The following ATF6 variants were observed in gnomAD, a reference collection of about 807,000 sequenced individuals.
ATF6 encodes the protein cyclic AMP-dependent transcription factor ATF-6 alpha.
Under a neutral mutation model 83.6 loss-of-function variants are expected in ATF6, and 53 were observed. The ratio of observed to expected loss-of-function variants is 0.63; its 90% CI spans 0.51 to 0.80. The LOEUF (loss-of-function observed/expected upper bound fraction) is 0.80. Among genes scored for constraint, ATF6 ranks in the 30% least tolerant of loss-of-function variants. ATF6 has a pLI of 0.00. For missense variants in ATF6, 744 were observed against 797.9 expected (o/e 0.93, Z 0.81); for synonymous variants, 288 against 285.8 (o/e 1.01, Z -0.08).
intron 14 of ATF6, among the ~76,000 whole-genome samples, chr1:161,867,661 T>C (rs556888756): frequency 6.6e-6 from 1 of 152,364 alleles, no homozygotes; most frequent in South Asian, 2.1e-4. Context: ...TTAATATTTT[T>C]CTTTTGCAAA....
intron 4 of ATF6, among the ~76,000 whole-genome samples, chr1:161,787,956 T>C (rs1360697904): frequency 6.6e-6 from 1 of 152,232 alleles, no homozygotes; most frequent in African/African-American, 2.4e-5. Context: ...GTACATCAAA[T>C]CTGTTGCATC....
At chr1:161,929,154 C>A (rs911900447) in intron 15 of ATF6, among the ~76,000 whole-genome samples, 27 of 152,286 alleles carry the variant, frequency 1.8e-4, no homozygotes, top group Admixed American at 1.4e-3. Flanking sequence ...CATTTGTTAG[C>A]TACTTTTTAG....
chr1:161,914,339 T>C (rs1210748310), intron 15 of ATF6, among the ~76,000 whole-genome samples: 1 of 152,160 alleles, frequency 6.6e-6, no homozygotes, highest in African/African-American at 2.4e-5. Flanking sequence ...TTATTTCTCC[T>C]TCAGTCCCCT....
intron 7 of ATF6, among the ~76,000 whole-genome samples, chr1:161,818,027 G>C (rs1284270137): frequency 6.7e-6 from 1 of 149,484 alleles, no homozygotes; most frequent in East Asian, 2.0e-4. Flanking sequence ...TGTGAACCTG[G>C]GAGGCGGAGC....
chr1:161,833,038 G>T (rs1284189232), intron 9 of ATF6, among the ~76,000 whole-genome samples: 1 of 152,188 alleles, frequency 6.6e-6, no homozygotes, highest in African/African-American at 2.4e-5. Context: ...ACACAGCTGG[G>T]TACTCCTCTG....
chr1:161,774,189 G>A (rs1684462179), intron 1 of ATF6, among the ~76,000 whole-genome samples: 1 of 152,004 alleles, frequency 6.6e-6, no homozygotes, highest in Admixed American at 6.6e-5. Flanking sequence ...TCACCTTCTT[G>A]CACCATATGC....
chr1:161,787,589 C>T (rs1202783991), intron 4 of ATF6, among the ~76,000 whole-genome samples: 4 of 152,086 alleles, frequency 2.6e-5, no homozygotes, highest in Admixed American at 6.5e-5. Context: ...TACTTCTCTG[C>T]GTGGATGGTG....
chr1:161,873,658 TTATGGGTAGGCTTTGAAGAGA>T (rs1558005780), intron 14 of ATF6, among the ~76,000 whole-genome samples: 1 of 151,632 alleles, frequency 6.6e-6, no homozygotes, highest in Non-Finnish European at 1.5e-5. Flanking sequence ...AAAGATCTCA[TTATGGGTAGGCTTTGAAGAGA>T]TATCCAGTTC....
At chr1:161,794,654 A>T (rs1294014501) in intron 6 of ATF6, among the ~76,000 whole-genome samples, 10 of 152,150 alleles carry the variant, frequency 6.6e-5, no homozygotes, top group Non-Finnish European at 4.4e-5. Flanking sequence ...ACTCTTTTCT[A>T]TAAATCCCTT....
chr1:161,901,431 A>G (rs990656661), intron 14 of ATF6, among the ~76,000 whole-genome samples: 1 of 140,400 alleles, frequency 7.1e-6, no homozygotes, highest in Non-Finnish European at 1.5e-5. Context: ...GTTTTATTTG[A>G]AAAAAAAAAC....
At chr1:161,851,573 G>T (rs893808632) in intron 10 of ATF6, 149 bp from the exon 11 acceptor site, 7 of 523,944 alleles carry the variant, frequency 1.3e-5, no homozygotes. Context: ...GTAAAATAAG[G>T]TTTTGTATTT....
chr1:161,860,489 T>C (rs1394104235), intron 13 of ATF6, among the ~76,000 whole-genome samples: 1 of 151,488 alleles, frequency 6.6e-6, no homozygotes, highest in Non-Finnish European at 1.5e-5. Context: ...AAAGTTCAAC[T>C]CTCCCAAATC....
At chr1:161,821,951 G>C (rs1207575106) in intron 9 of ATF6, among the ~76,000 whole-genome samples, 2 of 152,144 alleles carry the variant, frequency 1.3e-5, no homozygotes, top group Admixed American at 1.3e-4. Context: ...TGTGGGATTT[G>C]TTAACTGGTA....
chr1:161,858,299 A>G (rs995667145), intron 12 of ATF6, among the ~76,000 whole-genome samples: 4 of 152,190 alleles, frequency 2.6e-5, no homozygotes, highest in African/African-American at 9.6e-5. Context: ...TCAGTGGGCT[A>G]AACACATCAA....
chr1:161,817,528 T>A (rs951494954), intron 7 of ATF6, among the ~76,000 whole-genome samples: 1 of 152,178 alleles, frequency 6.6e-6, no homozygotes, highest in Non-Finnish European at 1.5e-5. Context: ...TGTGTGTGTG[T>A]GAGTGTGTGT....
chr1:161,889,716 CTT>C (rs1687508098), intron 14 of ATF6, among the ~76,000 whole-genome samples: 1 of 152,156 alleles, frequency 6.6e-6, no homozygotes. Flanking sequence ...TCTTGAGAAT[CTT>C]TTTGATTCAA....
At chr1:161,807,309 G>A (rs977741654) in intron 7 of ATF6, among the ~76,000 whole-genome samples, 1 of 152,232 alleles carries the variant, frequency 6.6e-6, no homozygotes, top group African/African-American at 2.4e-5. Flanking sequence ...TTCAATAGAC[G>A]TTGAAGTTGC....
intron 15 of ATF6, among the ~76,000 whole-genome samples, chr1:161,946,077 C>T (rs1688741735): frequency 6.6e-6 from 1 of 152,156 alleles, no homozygotes; most frequent in Non-Finnish European, 1.5e-5. Flanking sequence ...TAGATCTCAG[C>T]TTTCTGCAGC....
intron 14 of ATF6, among the ~76,000 whole-genome samples, chr1:161,870,138 G>A (rs1037424659): frequency 1.3e-5 from 2 of 151,226 alleles, no homozygotes; most frequent in Admixed American, 6.6e-5. Context: ...ATATTTCATT[G>A]AAAAATCTGC....
Sources: gnomAD v4.1 joint callset for allele counts (sites outside exome capture counted in the v4.1 genomes callset) on GRCh38, gnomAD v4.1.1 for gene constraint, MANE v1.5 for transcripts, NCBI Gene and HGNC (gene_info 2026-07-23, HGNC 2026-07-21) for gene names.